The following RPA2 variants were observed in gnomAD, a reference collection of about 807,000 sequenced individuals.
The protein encoded by RPA2 is replication protein A 32 kDa subunit.
Under a neutral mutation model 33.4 loss-of-function variants are expected in RPA2, and 22 were observed. The observed-to-expected ratio is 0.66, with a 90% confidence interval of 0.47 to 0.94. The LOEUF is 0.94. Ranked by LOEUF, RPA2 falls within the 40% of genes least tolerant of loss-of-function variation. The probability of loss-of-function intolerance (pLI) is 0.00; values close to 1 mark genes in which losing one functional copy is unlikely to be tolerated. For missense variants in RPA2, 279 were observed against 329.9 expected (o/e 0.85, Z 1.19); for synonymous variants, 109 against 114.9 (o/e 0.95, Z 0.33).
At chr1:27,902,137 A>AG (rs1571613745) in intron 4 of RPA2, among the ~76,000 whole-genome samples, 1 of 152,268 alleles carries the variant, frequency 6.6e-6, no homozygotes, top group East Asian at 1.9e-4. Flanking sequence ...CCCAGGCTAG[A>AG]GGGCAGTGAC....
intron 6 of RPA2, among the ~76,000 whole-genome samples, chr1:27,895,216 G>A (rs545915138): frequency 6.6e-6 from 1 of 152,088 alleles, no homozygotes; most frequent in African/African-American, 2.4e-5. Context: ...ATTGCCAGCC[G>A]GACTGCTAAC....
At chr1:27,894,157 C>T (rs745896990) in intron 7 of RPA2, 51 bp from the exon 8 acceptor site, 2 of 1,547,570 alleles carry the variant, frequency 1.3e-6, no homozygotes, top group South Asian at 2.2e-5. Flanking sequence ...ATCAGCCTCC[C>T]CTTTGCAAAC....
rs1370809850 is a variant in RPA2 at position 27,904,650 on chromosome 1, A to AT, written c.333+2277dup. ...CTTGTGGTTTTTGAAGGAGAACCGC[A>AT]TTTTTTTTTTTGAGTCAGTCTTGCT... On this transcript the variant is annotated intron_variant, in intron 4 of 8. Transcript: ENST00000373912. Among the ~76,000 whole-genome samples the AT allele has an allele frequency of 6.7e-3, 993 of 148,006 alleles. 10 individuals are homozygous for AT. Among genetic ancestry groups the AT allele is most frequent in the African/African-American group, 0.019 (759 of 40,668 alleles).
chr1:27,914,405 C>T (rs2090142117), intron 1 of RPA2, 29 bp downstream of exon 1: 4 of 1,611,996 alleles, frequency 2.5e-6, no homozygotes, highest in African/African-American at 2.7e-5. Flanking sequence ...CGATTCTCTT[C>T]CTCCTCCACC....
At chr1:27,913,869 C>A (rs1047089029) in intron 2 of RPA2, among the ~76,000 whole-genome samples, 194 bp downstream of exon 2, 3 of 152,162 alleles carry the variant, frequency 2.0e-5, no homozygotes, top group Non-Finnish European at 2.9e-5. Context: ...GCCAGGGAAA[C>A]AGGAGGTGGA....
At chr1:27,909,445 T>C (rs562700552) in intron 2 of RPA2, among the ~76,000 whole-genome samples, 3 of 152,134 alleles carry the variant, frequency 2.0e-5, no homozygotes, top group Admixed American at 2.0e-4. Flanking sequence ...TGGCCAGGCG[T>C]GGTGGGTAAC....
At chr1:27,902,126 GC>G (rs990851265) in intron 4 of RPA2, among the ~76,000 whole-genome samples, 4 of 151,908 alleles carry the variant, frequency 2.6e-5, no homozygotes, top group Non-Finnish European at 4.4e-5. Flanking sequence ...TTGCTCTGAT[GC>G]CCAGGCTAGA....
intron 2 of RPA2, among the ~76,000 whole-genome samples, chr1:27,912,093 CAA>C (rs34358254): frequency 4.9e-5 from 7 of 144,084 alleles, no homozygotes; most frequent in Admixed American, 1.4e-4. Context: ...GACTCTGTCT[CAA>C]AAAAAAAAAG....
rs2089833528 is a variant in RPA2 at position 27,892,245 on chromosome 1, T to C, written c.731A>G (p.Gln244Arg). The C allele has an allele frequency of 5.0e-6, 8 of 1,611,630 alleles. No individual in the cohort carries two copies. Among genetic ancestry groups the C allele is most frequent in the Non-Finnish European group, 5.9e-6 (7 of 1,178,412 alleles). The change falls in exon 9 of 9, where the codon CAA becomes CGA. Residue 244 changes from glutamine (Q) to arginine (R), a missense_variant and splice_region_variant. Physicochemically the swap from Gln to Arg is conservative, Grantham distance 43. Coordinates refer to ENST00000373912, the MANE Select transcript of RPA2 (RefSeq NM_002946.5). ...CTCATTGCTCAGAAAATCCACAGCT[T>C]GCCTAGAAAGAAAGAAGAAAAAAAA... ...LKHMSVSSIK[Q>R]AVDFLSNEGH...
At chr1:27,898,907 T>TA (rs983996352) in intron 4 of RPA2, among the ~76,000 whole-genome samples, 2 of 151,916 alleles carry the variant, frequency 1.3e-5, no homozygotes, top group African/African-American at 2.4e-5. Flanking sequence ...TGTATTACTT[T>TA]AAAAAAAATT....
rs28904901 is a variant in RPA2 at position 27,893,501 on chromosome 1, G to A, written c.728+511C>T. Among the ~76,000 whole-genome samples the A allele has an allele frequency of 5.0e-3, 757 of 152,128 alleles. 4 individuals are homozygous for A. The highest frequency in any genetic ancestry group is 8.1e-3 in the Non-Finnish European group (549 of 67,986). On this transcript the variant is annotated intron_variant, in intron 8 of 8. Coordinates refer to ENST00000373912, the MANE Select transcript of RPA2 (RefSeq NM_002946.5). ...GTTTTTATTGTTTTTGTAGAGACAA[G>A]CGTTTCGCCACGTTGCCCAGGCTGG...
chr1:27,897,203 TATA>T, intron 5 of RPA2, 82 bp from the exon 6 acceptor site: 2 of 901,820 alleles, frequency 2.2e-6, no homozygotes, highest in Non-Finnish European at 3.5e-6. Flanking sequence ...TTTCCTTGGT[TATA>T]ATATTAATAT....
chr1:27,907,375 G>C lies in RPA2; in HGVS notation c.118-93C>G, dbSNP rs189697485. On this transcript the variant is annotated intron_variant, in intron 2 of 8. Coordinates refer to ENST00000373912, the MANE Select transcript of RPA2 (RefSeq NM_002946.5). ...TGTGCCAAGTACTTTAAATATATTAGAACATTGAATTTCAAAACAAATCTC... is the reference window on the plus strand; with the variant it reads ...TGTGCCAAGTACTTTAAATATATTACAACATTGAATTTCAAAACAAATCTC... The C allele has an allele frequency of 1.8e-5, 18 of 993,254 alleles. No homozygotes were observed. The East Asian group carries it at 4.2e-4, about 23-fold the overall frequency. 61.5% of individuals were successfully genotyped at this position (993,254 alleles called of 1,614,324 possible). A position where few individuals can be genotyped will look rare whatever the true frequency, so the allele number is the denominator to read the frequency against.
At chr1:27,893,278 C>T (rs573897344) in intron 8 of RPA2, among the ~76,000 whole-genome samples, 11 of 152,088 alleles carry the variant, frequency 7.2e-5, no homozygotes, top group East Asian at 1.9e-4. Context: ...CATAGCTGAA[C>T]GATTTCCATT....
At chr1:27,913,189 G>A (rs1034052253) in intron 2 of RPA2, among the ~76,000 whole-genome samples, 1 of 151,646 alleles carries the variant, frequency 6.6e-6, no homozygotes, top group Non-Finnish European at 1.5e-5. Flanking sequence ...CTGATCTCAG[G>A]TGATCCACCC....
chr1:27,899,218 CA>C (rs28905173), intron 4 of RPA2, among the ~76,000 whole-genome samples: 3 of 150,420 alleles, frequency 2.0e-5, no homozygotes, highest in Non-Finnish European at 4.4e-5. Flanking sequence ...GTTAATAATA[CA>C]AAAAAAAGGG....
Position 27,892,259 on chromosome 1 carries a change from G to C in RPA2, c.729-12C>G. ...AATCCACAGCTTGCCTAGAAAGAAA[G>C]AAGAAAAAAAAAAGGTCATTTTCAG... is the stretch of plus-strand genomic sequence containing the variant. On this transcript the variant is annotated splice_polypyrimidine_tract_variant and intron_variant, in intron 8 of 8. Transcript: ENST00000373912. 4 of 1,585,836 alleles carry C rather than the reference G, an allele frequency of 2.5e-6. No individual in the cohort carries two copies. Among genetic ancestry groups the C allele is most frequent in the Non-Finnish European group, 3.4e-6 (4 of 1,166,674 alleles).
rs551817715 is a variant in RPA2 at position 27,910,941 on chromosome 1, C to T, written c.117+3122G>A. On this transcript the variant is annotated intron_variant, in intron 2 of 8. Transcript: ENST00000373912. Reference sequence around the variant, plus strand: ...GATTTAAAAACAAAACAAGGCCAGGCGCAGTGGCTCATACCTGTAATCCCA... The same window carrying T: ...GATTTAAAAACAAAACAAGGCCAGGTGCAGTGGCTCATACCTGTAATCCCA... 3.2e-4 allele frequency among the ~76,000 whole-genome samples: 49 copies of T among 152,114 alleles called. No homozygotes were observed. In the South Asian group the frequency reaches 4.1e-3, roughly 13 times the overall value.
intron 4 of RPA2, among the ~76,000 whole-genome samples, chr1:27,901,935 C>A (rs2148656775): frequency 6.6e-6 from 1 of 151,684 alleles, no homozygotes; most frequent in Middle Eastern, 3.4e-3. Flanking sequence ...TTTTCAAGTT[C>A]TTGCAAACAA....
Sources: allele counts gnomAD v4.1 joint callset (sites outside exome capture counted in the v4.1 genomes callset), GRCh38; gene constraint gnomAD v4.1.1; transcripts MANE v1.5; gene names NCBI Gene and HGNC (gene_info 2026-07-23, HGNC 2026-07-21).